USP48: variants seen among roughly 807,000 people sequenced by gnomAD.
The protein encoded by USP48 is ubiquitin carboxyl-terminal hydrolase 48.
In USP48, 43 loss-of-function variants were observed where a neutral mutation model predicts 150.7. That is an observed-to-expected ratio of 0.29 (90% confidence interval 0.22 to 0.37). The LOEUF is 0.37. Among genes scored for constraint, USP48 ranks in the 10% least tolerant of loss-of-function variants. USP48 has a pLI of 1.00. For missense variants in USP48, 813 were observed against 1,249.6 expected (o/e 0.65, Z 5.27); for synonymous variants, 396 against 425.9 (o/e 0.93, Z 0.86).
chr1:21,698,139 G>A (rs2097642863), intron 22 of USP48, among the ~76,000 whole-genome samples: 1 of 152,152 alleles, frequency 6.6e-6, no homozygotes, highest in Non-Finnish European at 1.5e-5. Context: ...TCTTTGTACT[G>A]AGATATGTGA....
chr1:21,694,215 A>C (rs1481094686), intron 23 of USP48, among the ~76,000 whole-genome samples: 1 of 152,182 alleles, frequency 6.6e-6, no homozygotes. Flanking sequence ...AGGGGGATGG[A>C]GAGGACATAT....
At chr1:21,697,117 C>T (rs1449816319) in intron 22 of USP48, among the ~76,000 whole-genome samples, 1 of 152,062 alleles carries the variant, frequency 6.6e-6, no homozygotes, top group East Asian at 1.9e-4. Context: ...ACAGATGCCA[C>T]ATACTCATTA....
At chr1:21,779,325 A>C (rs1232770222) in intron 1 of USP48, among the ~76,000 whole-genome samples, 1 of 152,018 alleles carries the variant, frequency 6.6e-6, no homozygotes, top group Non-Finnish European at 1.5e-5. Flanking sequence ...TAGGTGGATC[A>C]CCTGAGGTCA....
intron 6 of USP48, 118 bp downstream of exon 6, chr1:21,751,389 T>C: frequency 1.3e-6 from 1 of 747,856 alleles, no homozygotes; most frequent in Non-Finnish European, 2.3e-6. Flanking sequence ...AGATGCTTCT[T>C]ATGTAGAAAA....
At chr1:21,731,872 A>T (rs1467977686) in intron 9 of USP48, among the ~76,000 whole-genome samples, 1 of 151,988 alleles carries the variant, frequency 6.6e-6, no homozygotes, top group Non-Finnish European at 1.5e-5. Context: ...GTCTCCAAAA[A>T]GAAAAAACAA....
intron 23 of USP48, among the ~76,000 whole-genome samples, chr1:21,694,599 AAAAAAAAACC>A (rs2097618826): frequency 2.9e-5 from 3 of 103,386 alleles, no homozygotes; most frequent in Non-Finnish European, 4.2e-5. Context: ...AAAAAAAAAA[AAAAAAAAACC>A]CCCTCTATCT....
intron 9 of USP48, among the ~76,000 whole-genome samples, chr1:21,731,647 G>A (rs545393409): frequency 2.0e-4 from 31 of 151,866 alleles, no homozygotes; most frequent in South Asian, 1.0e-3. Context: ...TTGGGAGGCC[G>A]AGGCAGGTAG....
At chr1:21,751,739 A>G (rs1176030871) in intron 5 of USP48, 124 bp from the exon 6 acceptor site, 3 of 719,648 alleles carry the variant, frequency 4.2e-6, no homozygotes, top group Non-Finnish European at 4.6e-6. Context: ...CTTCACAGAA[A>G]TTATGTATAC....
intron 18 of USP48, 122 bp downstream of exon 18, chr1:21,706,004 G>A: frequency 2.6e-6 from 3 of 1,171,360 alleles, no homozygotes; most frequent in African/African-American, 1.5e-5. Context: ...AGCTTTCAGT[G>A]TATGCTGGTG....
At chr1:21,689,142 G>A (rs1558990056) in intron 24 of USP48, among the ~76,000 whole-genome samples, 3 of 150,860 alleles carry the variant, frequency 2.0e-5, no homozygotes, top group Non-Finnish European at 2.9e-5. Flanking sequence ...GAAAATCTCA[G>A]CAGAGATAGA....
chr1:21,782,742 G>A, intron 1 of USP48, 82 bp downstream of exon 1: 8 of 1,439,526 alleles, frequency 5.6e-6, no homozygotes, highest in South Asian at 1.4e-5. Flanking sequence ...GCAAAGGGCT[G>A]CCGTCTTCCT....
chr1:21,706,725 T>C lies in USP48; in HGVS notation c.2088+19A>G. ...GGAGGTGGCATGCCATTTCCCCAGA[T>C]GTCAGTAGCGTTCAGTACCTTGCAC... is the stretch of plus-strand genomic sequence containing the variant. On this transcript the variant is annotated intron_variant, in intron 16 of 26. Transcript: ENST00000308271. 8.1e-6 allele frequency: 13 copies of C among 1,611,868 alleles called. No individual in the cohort carries two copies. The highest frequency in any genetic ancestry group is 1.1e-5 in the Non-Finnish European group (13 of 1,179,236).
chr1:21,718,118 C>A (rs2097709731), intron 14 of USP48, among the ~76,000 whole-genome samples: 1 of 152,168 alleles, frequency 6.6e-6, no homozygotes, highest in Non-Finnish European at 1.5e-5. Context: ...ACTTATTTCT[C>A]AGAAATAATC....
rs1471073141 is a variant in USP48, at chr1:21,705,761, T to C, written c.2350A>G (p.Thr784Ala). The change falls in exon 19 of 27, where the codon ACA (threonine) becomes GCA (alanine). Residue 784 changes from threonine to alanine, a missense_variant. Thr to Ala is a moderately conservative substitution (Grantham distance 58, BLOSUM62 0). Transcript: ENST00000308271. ...TCTTCTTTGGTCATGGAAGCAAATG[T>C]AAACATGAGGCCCCCGTGGGGACAC... ...LLCPHGGLMFTFASMTKEDSK... is the reference protein window; with the variant it reads ...LLCPHGGLMFAFASMTKEDSK... 6.2e-7 allele frequency: 1 copy of C among 1,611,404 alleles called. No homozygotes were observed. Among genetic ancestry groups the C allele is most frequent in the East Asian group, 2.2e-5 (1 of 44,798 alleles).
chr1:21,689,160 G>A (rs79383052), intron 24 of USP48, among the ~76,000 whole-genome samples: 259 of 149,664 alleles, frequency 1.7e-3, no homozygotes, highest in African/African-American at 6.2e-3. Context: ...AGATTTTAAA[G>A]TATAAAATAA....
At chr1:21,703,686 TA>T (rs1326756012) in intron 20 of USP48, 68 bp from the exon 21 acceptor site, 4 of 1,174,808 alleles carry the variant, frequency 3.4e-6, no homozygotes, top group Non-Finnish European at 4.9e-6. Flanking sequence ...ATCAAAGATC[TA>T]AAAACATATG....
chr1:21,754,397 G>T (rs149888184), intron 3 of USP48, among the ~76,000 whole-genome samples: 365 of 152,300 alleles, frequency 2.4e-3, no homozygotes, highest in African/African-American at 8.5e-3. Flanking sequence ...GAATTTTAGA[G>T]TTGAAAGTTT....
Position 21,705,715 on chromosome 1 carries a change from G to C in USP48, c.2384+12C>G, listed in dbSNP as rs2097670321. The C allele has an allele frequency of 6.4e-7, 1 of 1,555,980 alleles. No homozygotes were observed. The highest frequency in any genetic ancestry group is 8.7e-7 in the Non-Finnish European group (1 of 1,149,384). ...AGAAGAAAAAAAAATCACATGAAGA[G>C]AAGGAACTCACAGTTTAGAATCTTC... On this transcript the variant is annotated intron_variant, in intron 19 of 26. Coordinates refer to ENST00000308271, the MANE Select transcript of USP48 (RefSeq NM_032236.8).
chr1:21,684,323 A>G (rs1558982940), intron 25 of USP48, among the ~76,000 whole-genome samples: 1 of 152,194 alleles, frequency 6.6e-6, no homozygotes, highest in Non-Finnish European at 1.5e-5. Flanking sequence ...TAGCCATGCT[A>G]ACTGATAAGA....
Sources: allele counts gnomAD v4.1 joint callset (sites outside exome capture counted in the v4.1 genomes callset), GRCh38; gene constraint gnomAD v4.1.1; transcripts MANE v1.5; gene names NCBI Gene and HGNC (gene_info 2026-07-23, HGNC 2026-07-21).